FREM1: variants seen among roughly 807,000 people sequenced by gnomAD.
The protein encoded by FREM1 is FRAS1 related extracellular matrix 1.
Under a neutral mutation model 210.1 loss-of-function variants are expected in FREM1, and 220 were observed. The observed-to-expected ratio is 1.05, with a 90% confidence interval of 0.94 to 1.17. The LOEUF (loss-of-function observed/expected upper bound fraction) is 1.17. Ranked by LOEUF, FREM1 falls within the 50% of genes most tolerant of loss-of-function variation. FREM1 has a pLI of 0.00. For synonymous variants in FREM1, 1,189 were observed against 980.2 expected (o/e 1.21, Z -3.98); for missense variants, 3,454 against 2,675.5 (o/e 1.29, Z -6.42).
In FREM1 at chr9:14,806,848, T is replaced by TG. The variant is rs755091035; in HGVS notation, c.3089-3dup. ...CCTCATCTACAACAAACACGGGACC[T>TG]GCATACAAATAAAAACACAATTACA... On this transcript the variant is annotated splice_polypyrimidine_tract_variant and splice_region_variant and intron_variant, in intron 17 of 36. Transcript: ENST00000380880. 13 of 1,580,732 alleles carry TG rather than the reference T, an allele frequency of 8.2e-6. No individual in the cohort carries two copies. The African/African-American group carries it at 1.8e-4, about 21-fold the overall frequency.
At chr9:14,782,658 C>T (rs987345969) in intron 24 of FREM1, among the ~76,000 whole-genome samples, 5 of 152,196 alleles carry the variant, frequency 3.3e-5, no homozygotes, top group African/African-American at 1.2e-4. Context: ...CAAGATCATA[C>T]TTGGTGTTGT....
chr9:14,757,677 G>C (rs796160158), intron 28 of FREM1, among the ~76,000 whole-genome samples: 12 of 152,350 alleles, frequency 7.9e-5, no homozygotes, highest in African/African-American at 2.9e-4. Flanking sequence ...AGGAATGTGG[G>C]ATAATATATT....
At chr9:14,751,111 T>C (rs1843292793) in intron 29 of FREM1, among the ~76,000 whole-genome samples, 1 of 152,162 alleles carries the variant, frequency 6.6e-6, no homozygotes, top group East Asian at 1.9e-4. Context: ...ATGTGGATCA[T>C]AGGATATCCC....
At chr9:14,777,214 T>A (rs1848758275) in intron 24 of FREM1, among the ~76,000 whole-genome samples, 1 of 152,254 alleles carries the variant, frequency 6.6e-6, no homozygotes, top group Non-Finnish European at 1.5e-5. Flanking sequence ...GATATCTTAA[T>A]GTGCTTTTGA....
chr9:14,774,493 G>A (rs1382150144), intron 25 of FREM1, among the ~76,000 whole-genome samples: 2 of 149,584 alleles, frequency 1.3e-5, no homozygotes, highest in Non-Finnish European at 3.0e-5. Flanking sequence ...GAGCCAATGA[G>A]CCAATTTCCT....
chr9:14,825,571 A>C (rs1307166316), intron 10 of FREM1, among the ~76,000 whole-genome samples: 1 of 141,070 alleles, frequency 7.1e-6, no homozygotes, highest in African/African-American at 2.6e-5. Context: ...ATATATATAT[A>C]CCACAATTAT....
At chr9:14,775,759 T>C (rs1022591003) in intron 25 of FREM1, 30 bp downstream of exon 25, 2 of 1,267,676 alleles carry the variant, frequency 1.6e-6, no homozygotes, top group Admixed American at 3.6e-5. Flanking sequence ...TTCACATCTC[T>C]GGCAAATGAA....
intron 22 of FREM1, among the ~76,000 whole-genome samples, chr9:14,789,523 G>C (rs10810243): frequency 6.6e-6 from 1 of 151,994 alleles, no homozygotes. Context: ...TGTTCAACTA[G>C]TCAAATATAC....
At chr9:14,780,247 C>T (rs1007585731) in intron 24 of FREM1, among the ~76,000 whole-genome samples, 3 of 151,894 alleles carry the variant, frequency 2.0e-5, no homozygotes, top group African/African-American at 7.3e-5. Flanking sequence ...AGATGACCAC[C>T]GCTCTCATGA....
In FREM1 at chr9:14,770,820, A is replaced by G. The variant is rs752169330; in HGVS notation, c.4858-14T>C. 6.3e-7 allele frequency: 1 copy of G among 1,595,836 alleles called. No individual in the cohort carries two copies. The highest frequency in any genetic ancestry group is 1.7e-5 in the Admixed American group (1 of 58,556). ...CAATTGGTCTACCTGGATCATCAAC[A>G]ATGACATAAAATGTTGTCCAAAGGC... On this transcript the variant is annotated splice_polypyrimidine_tract_variant and intron_variant, in intron 25 of 36. Coordinates refer to ENST00000380880, the MANE Select transcript of FREM1 (RefSeq NM_001379081.2).
At chr9:14,753,439 T>C (rs898561769) in intron 29 of FREM1, among the ~76,000 whole-genome samples, 4 of 152,236 alleles carry the variant, frequency 2.6e-5, no homozygotes, top group African/African-American at 9.6e-5. Flanking sequence ...CTTAGGAGTA[T>C]TTTTATATCC....
intron 1 of FREM1, among the ~76,000 whole-genome samples, chr9:14,871,049 T>G (rs940108109): frequency 6.6e-6 from 1 of 152,140 alleles, no homozygotes; most frequent in Non-Finnish European, 1.5e-5. Flanking sequence ...TAATCCAGTC[T>G]ATCATGGCTG....
intron 13 of FREM1, 143 bp downstream of exon 13, chr9:14,823,017 C>CTT: frequency 1.9e-6 from 1 of 522,674 alleles, no homozygotes; most frequent in Non-Finnish European, 3.1e-6. Flanking sequence ...CTTTTTTCTT[C>CTT]TTTTTTTTAC....
Position 14,836,331 on chromosome 9 carries a change from GT to G in FREM1, c.1881+5115del, listed in dbSNP as rs1406976423. ...TATTATCCTTATAACTGGGATAATA[GT>G]TACTGACAAAAAGAAAGCGTAAAAG... On this transcript the variant is annotated intron_variant, in intron 10 of 36. Coordinates refer to ENST00000380880, the MANE Select transcript of FREM1 (RefSeq NM_001379081.2). The surrounding 1 kb of genome is among the most constrained non-coding windows in gnomAD (Gnocchi z 4.9). Among the ~76,000 whole-genome samples, 1 of 152,190 alleles carries G rather than the reference GT, an allele frequency of 6.6e-6. No homozygotes were observed. Among genetic ancestry groups the G allele is most frequent in the Non-Finnish European group, 1.5e-5 (1 of 68,034 alleles).
At chr9:14,738,596 T>C (rs62534324) in intron 36 of FREM1, among the ~76,000 whole-genome samples, 12,169 of 84,140 alleles carry the variant, frequency 0.14, 622 homozygotes, top group East Asian at 0.33. Context: ...ACTGCAGAAA[T>C]AGTGAAAGCC....
At chr9:14,777,742 T>C (rs1848866183) in intron 24 of FREM1, among the ~76,000 whole-genome samples, 1 of 152,168 alleles carries the variant, frequency 6.6e-6, no homozygotes, top group Admixed American at 6.5e-5. Context: ...GTGAAATGTG[T>C]CTTGTCCTTC....
At chr9:14,755,983 C>T (rs1844271657) in intron 29 of FREM1, among the ~76,000 whole-genome samples, 1 of 152,062 alleles carries the variant, frequency 6.6e-6, no homozygotes, top group African/African-American at 2.4e-5. Context: ...TTAGAAATGC[C>T]CTTTAGGAAT....
At chr9:14,766,521 G>A (rs1433595391) in intron 27 of FREM1, among the ~76,000 whole-genome samples, 1 of 152,144 alleles carries the variant, frequency 6.6e-6, no homozygotes, top group African/African-American at 2.4e-5. Context: ...AAGCTAGCTA[G>A]CTGGCAGTAA....
chr9:14,782,224 G>C lies in FREM1; in HGVS notation c.4442+2146C>G, dbSNP rs377161615. 1.0e-4 allele frequency: 32 copies of C among 312,888 alleles called. No homozygotes were observed. The South Asian group carries it at 3.8e-3, about 37-fold the overall frequency. The allele number at this position is 312,888 out of a possible 1,614,324, so 19.4% of individuals were successfully genotyped here. A position where few individuals can be genotyped will look rare whatever the true frequency, so the allele number is the denominator to read the frequency against. On this transcript the variant is annotated intron_variant, in intron 24 of 36. Coordinates refer to ENST00000380880, the MANE Select transcript of FREM1 (RefSeq NM_001379081.2). ...TCTCTGGCAATTATCTGAGGATCCA[G>C]AAATGTAGAAATTCCTGGGATAAAT...
Sources: allele counts gnomAD v4.1 joint callset (sites outside exome capture counted in the v4.1 genomes callset), GRCh38; gene constraint gnomAD v4.1.1; non-coding constraint Gnocchi (gnomAD v3.1); transcripts MANE v1.5; gene names NCBI Gene and HGNC (gene_info 2026-07-23, HGNC 2026-07-21).